Variants in ATAT1 observed in about 807,000 individuals in gnomAD.
The protein encoded by ATAT1 is alpha-tubulin N-acetyltransferase 1.
A neutral mutation model predicts 57.2 loss-of-function variants in ATAT1; 42 were observed. That is an observed-to-expected ratio of 0.73 (90% CI 0.57 to 0.95). The LOEUF (loss-of-function observed/expected upper bound fraction) is 0.95. Ranked by LOEUF, ATAT1 falls within the 40% of genes least tolerant of loss-of-function variation. The probability of loss-of-function intolerance (pLI) is 0.00; values close to 1 mark genes in which losing one functional copy is unlikely to be tolerated. For missense variants in ATAT1, 454 were observed against 523.7 expected, an observed-to-expected ratio of 0.87 and a Z score of 1.30; for synonymous variants, 168 against 187.1, an observed-to-expected ratio of 0.90 and a Z score of 0.83.
intron 1 of ATAT1, 174 bp from the exon 2 acceptor site, chr6:30,627,286 G>C: frequency 1.2e-6 from 2 of 1,613,870 alleles, no homozygotes; most frequent in South Asian, 1.1e-5. Context: ...TGTGACAGAA[G>C]TTTGGGTTTC....
rs371107713 is a variant in ATAT1, at chr6:30,642,891, G to T, written c.812G>T (p.Arg271Leu). 5 of 1,285,802 alleles carry T rather than the reference G, an allele frequency of 3.9e-6. No individual in the cohort carries two copies. Among genetic ancestry groups the T allele is most frequent in the Non-Finnish European group, 5.0e-6 (5 of 991,502 alleles). The allele number at this position is 1,285,802 out of a possible 1,614,324, so 79.6% of individuals were successfully genotyped here. Residue 271 changes from arginine (R) to leucine (L), a missense_variant, in exon 10 of 13, where the codon CGC becomes CTC. Arg to Leu is a moderately radical substitution (Grantham distance 102). Transcript: ENST00000330083. ...AACTCACCAGAACGAGGTCCCCTCCGCCCCTTTGTGCCAGAGCAGGAGCTG... is the reference window on the plus strand; with the variant it reads ...AACTCACCAGAACGAGGTCCCCTCCTCCCCTTTGTGCCAGAGCAGGAGCTG...
Position 30,626,912 on chromosome 6 carries a change from G to C in ATAT1, c.-292G>C. 6.2e-7 allele frequency: 1 copy of C among 1,608,648 alleles called. No homozygotes were observed. Among genetic ancestry groups the C allele is most frequent in the Non-Finnish European group, 8.5e-7 (1 of 1,178,380 alleles). ...TGGAGTTCCCGTTCGATGTGGACGC[G>C]CTGTTCCCGGAGCGGATCACGGTGC... On this transcript the variant is annotated 5_prime_UTR_variant, in exon 1 of 13. Transcript: ENST00000330083.
intron 8 of ATAT1, among the ~76,000 whole-genome samples, chr6:30,640,914 G>A (rs768048576): frequency 6.6e-6 from 1 of 152,224 alleles, no homozygotes; most frequent in Admixed American, 6.5e-5. Flanking sequence ...CTGTTAGCCA[G>A]TGAGGGACAG....
At chr6:30,632,692 C>T (rs1763168748) in intron 6 of ATAT1, among the ~76,000 whole-genome samples, 1 of 151,394 alleles carries the variant, frequency 6.6e-6, no homozygotes, top group Non-Finnish European at 1.5e-5. Flanking sequence ...AATCCTAGCA[C>T]TTTGGGAGGC....
At position 30,626,940 on chromosome 6, in the gene ATAT1, G is replaced by C; in HGVS notation, c.-264G>C. Reference sequence around the variant, plus strand: ...GTTCCCGGAGCGGATCACGGTGCTGGACCAGCACCTGAGGCCCCCAGCCCG... The same window carrying C: ...GTTCCCGGAGCGGATCACGGTGCTGCACCAGCACCTGAGGCCCCCAGCCCG... On this transcript the variant is annotated 5_prime_UTR_variant, in exon 1 of 13. Transcript: ENST00000330083. 2 of 1,609,264 alleles carry C rather than the reference G, an allele frequency of 1.2e-6. No individual in the cohort carries two copies. The highest frequency in any genetic ancestry group is 1.7e-6 in the Non-Finnish European group (2 of 1,178,546).
intron 6 of ATAT1, among the ~76,000 whole-genome samples, chr6:30,638,152 C>A (rs1764557820): frequency 6.6e-6 from 1 of 152,066 alleles, no homozygotes; most frequent in Middle Eastern, 3.2e-3. Flanking sequence ...GCTGGGATTA[C>A]AGGCTTGAGC....
chr6:30,627,622 A>C lies in ATAT1; in HGVS notation c.133-14A>C. 6 of 1,612,270 alleles carry C rather than the reference A, an allele frequency of 3.7e-6. No individual in the cohort carries two copies. The East Asian group carries it at 1.1e-4, about 30-fold the overall frequency. On this transcript the variant is annotated splice_polypyrimidine_tract_variant and intron_variant, in intron 2 of 12. Transcript: ENST00000330083. ...GAGAGACTTGCAGAAAGTCTGACTTAATCTTCCCTGCAGGCCCAGAATCTT... is the reference window on the plus strand; with the variant it reads ...GAGAGACTTGCAGAAAGTCTGACTTCATCTTCCCTGCAGGCCCAGAATCTT...
At position 30,642,833 on chromosome 6, in the gene ATAT1, G is replaced by GGGGGCGCCCCCC; in HGVS notation, c.754_755insGGGGCGCCCCCC (p.Ala252delinsGlyGlyAlaProPro). On this transcript the variant is annotated protein_altering_variant, in exon 10 of 13. Transcript: ENST00000330083. The stretch of plus-strand genomic sequence containing the variant: ...GGCCCCTCGCCGCGCCACACCTCCA[G>GGGGGCGCCCCCC]CCCACCCACCCCCCCGCTCCAGCAG... 1.3e-6 allele frequency: 2 copies of GGGGGCGCCCCCC among 1,537,876 alleles called. No individual in the cohort carries two copies. The highest frequency in any genetic ancestry group is 1.7e-6 in the Non-Finnish European group (2 of 1,145,782).
chr6:30,642,695 A>G, intron 9 of ATAT1, 73 bp from the exon 10 acceptor site: 2 of 992,486 alleles, frequency 2.0e-6, no homozygotes, highest in Non-Finnish European at 3.1e-6. Flanking sequence ...TTTTCTACCA[A>G]AACCTTTGCT....
At chr6:30,630,799 A>G (rs753164650) in intron 6 of ATAT1, among the ~76,000 whole-genome samples, 5 of 151,824 alleles carry the variant, frequency 3.3e-5, no homozygotes, top group Non-Finnish European at 5.9e-5. Context: ...TTAACTGGGC[A>G]TGATGGCGTG....
intron 6 of ATAT1, among the ~76,000 whole-genome samples, chr6:30,631,686 G>C (rs1002519553): frequency 5.9e-5 from 9 of 152,042 alleles, no homozygotes; most frequent in African/African-American, 1.2e-4. Context: ...GTCTGAGGCA[G>C]GAGGATTGCT....
chr6:30,640,469 G>C (rs1346119811), intron 7 of ATAT1, 47 bp downstream of exon 7: 2 of 1,612,486 alleles, frequency 1.2e-6, no homozygotes, highest in African/African-American at 2.7e-5. Flanking sequence ...TGAGGGAAAG[G>C]AAAGAGCTGG....
chr6:30,642,867 ACT>A lies in ATAT1; in HGVS notation c.790_791del (p.Ser264ThrfsTer35). 1.6e-6 allele frequency: 2 copies of A among 1,235,786 alleles called. No individual in the cohort carries two copies. Among genetic ancestry groups the A allele is most frequent in the South Asian group, 2.4e-5 (2 of 82,320 alleles). 76.6% of individuals were successfully genotyped at this position (1,235,786 alleles called of 1,614,324 possible). A position where few individuals can be genotyped will look rare whatever the true frequency, so the allele number is the denominator to read the frequency against. On this transcript the variant is annotated frameshift_variant, in exon 10 of 13. Coordinates refer to ENST00000330083, the MANE Select transcript of ATAT1 (RefSeq NM_001031722.4). LOFTEE classifies it high-confidence loss of function. ...CCCCCCCGCTCCAGCAGCCTGGGAA[ACT>A]CACCAGAACGAGGTCCCCTCCGCCC... is the stretch of plus-strand genomic sequence containing the variant.
At chr6:30,631,654 C>G (rs1762904787) in intron 6 of ATAT1, among the ~76,000 whole-genome samples, 1 of 152,012 alleles carries the variant, frequency 6.6e-6, no homozygotes, top group East Asian at 1.9e-4. Flanking sequence ...TGGCACGCAC[C>G]TGTGGTCCCA....
At chr6:30,628,753 C>G (rs923683197) in intron 6 of ATAT1, among the ~76,000 whole-genome samples, 1 of 152,046 alleles carries the variant, frequency 6.6e-6, no homozygotes, top group African/African-American at 2.4e-5. Context: ...TACAGGCACC[C>G]ACCACCACAC....
intron 1 of ATAT1, 66 bp from the exon 2 acceptor site, chr6:30,627,394 G>C: frequency 6.2e-7 from 1 of 1,602,022 alleles, no homozygotes. Context: ...CAGGTTCCCA[G>C]GACTGACTGC....
chr6:30,646,308 T>C (rs990576368), intron 12 of ATAT1, 161 bp from the exon 13 acceptor site: 5 of 1,448,878 alleles, frequency 3.5e-6, no homozygotes, highest in Non-Finnish European at 4.5e-6. Context: ...GGAATACGGA[T>C]TCTCTGAGAG....
chr6:30,632,589 C>A (rs991711467), intron 6 of ATAT1, among the ~76,000 whole-genome samples: 3 of 151,608 alleles, frequency 2.0e-5, no homozygotes, highest in Non-Finnish European at 4.4e-5. Context: ...AGAAAAAGAT[C>A]ATTTTGGCTG....
chr6:30,628,464 C>A, intron 6 of ATAT1, 34 bp downstream of exon 6: 1 of 1,509,058 alleles, frequency 6.6e-7, no homozygotes, highest in Non-Finnish European at 9.2e-7. Context: ...CCCCACTGAG[C>A]ATTCCCATTG....
Sources: gnomAD v4.1 joint callset for allele counts (sites outside exome capture counted in the v4.1 genomes callset) on GRCh38, gnomAD v4.1.1 for gene constraint, MANE v1.5 for transcripts, NCBI Gene and HGNC (gene_info 2026-07-23, HGNC 2026-07-21) for gene names.